Variants in FRMD4B observed in about 807,000 individuals in gnomAD.
The protein encoded by FRMD4B is FERM domain-containing protein 4B.
FRMD4B carries 74 observed loss-of-function variants against 141.5 expected under a neutral mutation model. The ratio of observed to expected loss-of-function variants is 0.52; its 90% CI spans 0.43 to 0.63. FRMD4B has a LOEUF of 0.63. Among genes scored for constraint, FRMD4B ranks in the 30% least tolerant of loss-of-function variants. FRMD4B has a pLI of 0.00. For missense variants in FRMD4B, 1,366 were observed against 1,253.4 expected (o/e 1.09, Z -1.36); for synonymous variants, 506 against 467.9 (o/e 1.08, Z -1.05).
chr3:69,210,417 CT>C (rs35982668), intron 11 of FRMD4B, among the ~76,000 whole-genome samples: 16,523 of 145,496 alleles, frequency 0.11, 1,027 homozygotes, highest in African/African-American at 0.18. Flanking sequence ...CACAAGGCTG[CT>C]TTTTTTTTTT....
At chr3:69,336,819 C>T (rs1702570635) in intron 1 of FRMD4B, among the ~76,000 whole-genome samples, 1 of 152,174 alleles carries the variant, frequency 6.6e-6, no homozygotes, top group African/African-American at 2.4e-5. Context: ...TGGCGCATGC[C>T]TGTAATCCCA....
intron 1 of FRMD4B, among the ~76,000 whole-genome samples, chr3:69,479,517 T>A (rs7426934): frequency 2.6e-5 from 4 of 151,998 alleles, no homozygotes; most frequent in Admixed American, 2.6e-4. Context: ...TTTTCTTTAA[T>A]AATGTTGAAT....
intron 11 of FRMD4B, among the ~76,000 whole-genome samples, chr3:69,204,096 G>A (rs1357831005): frequency 1.3e-5 from 2 of 152,018 alleles, no homozygotes; most frequent in South Asian, 4.2e-4. Context: ...GGGGAGGGAG[G>A]GGCTGGTCAC....
At chr3:69,235,980 T>A (rs1303596771) in intron 7 of FRMD4B, among the ~76,000 whole-genome samples, 1 of 152,226 alleles carries the variant, frequency 6.6e-6, no homozygotes, top group Non-Finnish European at 1.5e-5. Context: ...GCATTTATCA[T>A]TATGGTAGCC....
chr3:69,385,973 A>T lies in FRMD4B; in HGVS notation c.17T>A (p.Met6Lys), dbSNP rs746016199. 2.5e-6 allele frequency: 4 copies of T among 1,599,874 alleles called. No individual in the cohort carries two copies. Among genetic ancestry groups the T allele is most frequent in the Non-Finnish European group, 3.4e-6 (4 of 1,173,070 alleles). ...GAACAGCAGGTCCTCCACGCCACAC[A>T]TGAACACCGAAGCCATGCCTCCTCC... MASVF[M>K]CGVEDLLFSG... Residue 6 changes from methionine to lysine, a missense_variant, in exon 1 of 23, where the codon ATG (methionine) becomes AAG (lysine). Transcript: ENST00000398540.
intron 1 of FRMD4B, among the ~76,000 whole-genome samples, chr3:69,455,452 A>G (rs960814065): frequency 6.6e-6 from 1 of 152,148 alleles, no homozygotes; most frequent in African/African-American, 2.4e-5. Flanking sequence ...AGGAATGAAC[A>G]ACTCCAGACA....
chr3:69,536,974 T>C (rs1701096965), intron 1 of FRMD4B, among the ~76,000 whole-genome samples: 1 of 152,120 alleles, frequency 6.6e-6, no homozygotes, highest in Admixed American at 6.5e-5. Flanking sequence ...TCTTGAACTC[T>C]TGGGCTCAAG....
chr3:69,320,936 C>T (rs974699224), intron 1 of FRMD4B: 2 of 152,332 alleles, frequency 1.3e-5, no homozygotes, highest in South Asian at 4.1e-4. Flanking sequence ...AAGAGTCAGT[C>T]CTCAGAGTGC....
rs1367658865 is a variant in FRMD4B at position 69,226,264 on chromosome 3, G to A, written c.582-1574C>T. 3.9e-5 allele frequency among the ~76,000 whole-genome samples: 6 copies of A among 152,044 alleles called. No homozygotes were observed. In the South Asian group the frequency reaches 1.0e-3, roughly 26 times the overall value. ...TATTCATTTGAAATCTGAGAGTTAT[G>A]GCTTAACCACACTGACAATCTTGGG... On this transcript the variant is annotated intron_variant, in intron 7 of 22. Coordinates refer to ENST00000398540, the MANE Select transcript of FRMD4B (RefSeq NM_015123.3).
intron 2 of FRMD4B, among the ~76,000 whole-genome samples, chr3:69,430,235 G>T (rs1705157254): frequency 6.6e-6 from 1 of 152,130 alleles, no homozygotes; most frequent in Non-Finnish European, 1.5e-5. Context: ...CAACTGACCA[G>T]TCCCTGAGCC....
At position 69,224,647 on chromosome 3, in the gene FRMD4B, G is replaced by C. The variant is rs749819955; in HGVS notation, c.625C>G (p.Pro209Ala). The C allele has an allele frequency of 3.8e-6, 6 of 1,587,234 alleles. No individual in the cohort carries two copies. The South Asian group carries it at 6.8e-5, about 18-fold the overall frequency. Reference protein sequence around the residue: ...RKDLKTLPAFPTKTLQEHPSL... With the variant: ...RKDLKTLPAFATKTLQEHPSL... ...GGATGCTCCTGAAGAGTTTTGGTTG[G>C]AAAGGCTGGTAATGTCTTTAAATCT... The change falls in exon 8 of 23, where the codon CCA (proline) becomes GCA (alanine). Residue 209 changes from proline (P) to alanine (A), a missense_variant. Pro to Ala is a conservative substitution (Grantham distance 27, BLOSUM62 -1). Coordinates refer to ENST00000398540, the MANE Select transcript of FRMD4B (RefSeq NM_015123.3).
intron 2 of FRMD4B, among the ~76,000 whole-genome samples, chr3:69,404,012 C>T (rs1704612298): frequency 6.6e-6 from 1 of 152,180 alleles, no homozygotes; most frequent in Non-Finnish European, 1.5e-5. Context: ...CTTCCTGCCT[C>T]AGCCTCTCAA....
At chr3:69,190,577 G>A (rs928121540) in intron 17 of FRMD4B, among the ~76,000 whole-genome samples, 1 of 152,044 alleles carries the variant, frequency 6.6e-6, no homozygotes, top group Non-Finnish European at 1.5e-5. Context: ...ACCACGCCTG[G>A]CTAACTTTTT....
intron 4 of FRMD4B, among the ~76,000 whole-genome samples, chr3:69,293,214 G>A (rs1700928396): frequency 1.3e-5 from 2 of 152,102 alleles, no homozygotes; most frequent in South Asian, 2.1e-4. Context: ...GTTTGGAAGT[G>A]GCTGTCCTTT....
At chr3:69,365,559 C>T (rs1703615576) in intron 1 of FRMD4B, among the ~76,000 whole-genome samples, 1 of 150,114 alleles carries the variant, frequency 6.7e-6, no homozygotes, top group South Asian at 2.1e-4. Flanking sequence ...GGCTGGGGTG[C>T]AGTGAAGCAA....
intron 5 of FRMD4B, among the ~76,000 whole-genome samples, chr3:69,280,428 C>T (rs1272493345): frequency 1.3e-5 from 2 of 152,150 alleles, no homozygotes; most frequent in African/African-American, 4.8e-5. Flanking sequence ...CTAGTGCACT[C>T]CTGAAATATC....
intron 1 of FRMD4B, among the ~76,000 whole-genome samples, chr3:69,329,653 G>C (rs1465097152): frequency 6.9e-6 from 1 of 145,350 alleles, no homozygotes; most frequent in Non-Finnish European, 1.5e-5. Flanking sequence ...TCAGCCTCCC[G>C]AGTAGCTGGG....
chr3:69,290,055 T>A (rs1700820207), intron 4 of FRMD4B, among the ~76,000 whole-genome samples: 1 of 152,190 alleles, frequency 6.6e-6, no homozygotes, highest in African/African-American at 2.4e-5. Flanking sequence ...ATATTAATTT[T>A]GTCTCAGCTT....
chr3:69,392,511 G>T (rs1306839839), intron 2 of FRMD4B, among the ~76,000 whole-genome samples: 1 of 152,148 alleles, frequency 6.6e-6, no homozygotes, highest in Non-Finnish European at 1.5e-5. Context: ...GATGCTTGAT[G>T]GTTGGGGGAC....
Sources: allele counts gnomAD v4.1 joint callset (sites outside exome capture counted in the v4.1 genomes callset), GRCh38; gene constraint gnomAD v4.1.1; transcripts MANE v1.5; gene names NCBI Gene and HGNC (gene_info 2026-07-23, HGNC 2026-07-21).